Variants in PHACTR4 observed in about 807,000 individuals in gnomAD.
PHACTR4 encodes phosphatase and actin regulator 4.
A neutral mutation model predicts 72.7 loss-of-function variants in PHACTR4; 51 were observed. The ratio of observed to expected loss-of-function variants is 0.70; its 90% CI spans 0.56 to 0.89. The LOEUF (loss-of-function observed/expected upper bound fraction) is 0.89, where lower values mean the gene tolerates loss of function less well. Among genes scored for constraint, PHACTR4 ranks in the 40% least tolerant of loss-of-function variants. PHACTR4 has a pLI of 0.00. For synonymous variants in PHACTR4, 255 were observed against 302.5 expected (o/e 0.84, Z 1.63); for missense variants, 731 against 861.8 (o/e 0.85, Z 1.90).
intron 1 of PHACTR4, among the ~76,000 whole-genome samples, chr1:28,394,738 A>G (rs192239924): frequency 4.1e-4 from 62 of 151,636 alleles, no homozygotes; most frequent in African/African-American, 1.4e-3. Context: ...CTGGGATTAC[A>G]GGCATGTGCC....
At chr1:28,390,012 A>G (rs952586018) in intron 1 of PHACTR4, among the ~76,000 whole-genome samples, 1 of 152,224 alleles carries the variant, frequency 6.6e-6, no homozygotes, top group African/African-American at 2.4e-5. Flanking sequence ...TGGTATATAT[A>G]CACAACGAAA....
intron 10 of PHACTR4, chr1:28,489,628 C>T (rs924187020): frequency 8.3e-6 from 3 of 360,398 alleles, no homozygotes; most frequent in Non-Finnish European, 1.6e-5. Context: ...CCAAATGCAG[C>T]AGCTTTTCTC....
At chr1:28,382,382 C>G (rs749959118) in intron 1 of PHACTR4, among the ~76,000 whole-genome samples, 1 of 151,936 alleles carries the variant, frequency 6.6e-6, no homozygotes, top group African/African-American at 2.4e-5. Flanking sequence ...TGGCTCACTG[C>G]AAGCTCCGGC....
intron 13 of PHACTR4, among the ~76,000 whole-genome samples, chr1:28,495,757 C>G (rs1169109536): frequency 6.6e-6 from 1 of 151,850 alleles, no homozygotes; most frequent in Non-Finnish European, 1.5e-5. Context: ...GCTGTGACTA[C>G]AGGCACAGGC....
chr1:28,377,512 T>TC lies in PHACTR4; in HGVS notation c.-39+7688dup, dbSNP rs570393531. Reference sequence around the variant, plus strand: ...GCCTCAGCCTCCCAAAGTGCCAGGATCACAGGCATGAGCCACCACACCCAG... The same window carrying TC: ...GCCTCAGCCTCCCAAAGTGCCAGGATCCACAGGCATGAGCCACCACACCCAG... On this transcript the variant is annotated intron_variant, in intron 1 of 13. Transcript: ENST00000373839. Among the ~76,000 whole-genome samples, 874 of 151,922 alleles carry TC rather than the reference T, an allele frequency of 5.8e-3. 17 individuals are homozygous for TC. The highest frequency in any genetic ancestry group is 4.9e-3 in the Non-Finnish European group (336 of 67,944).
chr1:28,474,530 AAAAG>A (rs1557840051), intron 7 of PHACTR4, among the ~76,000 whole-genome samples: 1 of 151,446 alleles, frequency 6.6e-6, no homozygotes, highest in Non-Finnish European at 1.5e-5. Context: ...CTCACAGAAA[AAAAG>A]AAAATGTGAA....
intron 2 of PHACTR4, among the ~76,000 whole-genome samples, chr1:28,446,825 C>G (rs1208114148): frequency 2.6e-5 from 4 of 151,892 alleles, no homozygotes; most frequent in Non-Finnish European, 5.9e-5. Flanking sequence ...CTCTCTTGCT[C>G]CTGTTCTGGG....
In PHACTR4 at chr1:28,487,717, G is replaced by GTTTT. The variant is rs1320016675; in HGVS notation, c.1761-1450_1761-1447dup. The stretch of plus-strand genomic sequence containing the variant: ...CTGATTTCAAAAATGACAAATTGTA[G>GTTTT]TTTTTTGTTGTTTTTTTTTTTTTTT... On this transcript the variant is annotated intron_variant, in intron 9 of 13. Coordinates refer to ENST00000373839, the MANE Select transcript of PHACTR4 (RefSeq NM_001048183.3). 4.5e-3 allele frequency among the ~76,000 whole-genome samples: 459 copies of GTTTT among 102,422 alleles called. 22 individuals are homozygous for GTTTT. The highest frequency in any genetic ancestry group is 0.018 in the African/African-American group (436 of 24,626). 67.2% of individuals were successfully genotyped at this position (102,422 alleles called of 152,430 possible).
chr1:28,457,297 T>C, intron 2 of PHACTR4: 1 of 448,562 alleles, frequency 2.2e-6, no homozygotes, highest in East Asian at 7.1e-5. Context: ...AAATACCTAG[T>C]TTTAAAAGAG....
chr1:28,466,229 A>T (rs1231539881), intron 5 of PHACTR4, among the ~76,000 whole-genome samples, 153 bp from the exon 6 acceptor site: 7 of 152,192 alleles, frequency 4.6e-5, no homozygotes, highest in Admixed American at 3.9e-4. Flanking sequence ...TTTCTTAAGT[A>T]TGGGGAGGTT....
chr1:28,440,307 GAAAAA>G (rs1206889147), intron 2 of PHACTR4, among the ~76,000 whole-genome samples: 1 of 82,116 alleles, frequency 1.2e-5, no homozygotes, highest in Non-Finnish European at 2.2e-5. Context: ...GTCTCAAAAA[GAAAAA>G]AAAAAAAAAA....
intron 2 of PHACTR4, among the ~76,000 whole-genome samples, chr1:28,450,957 T>C (rs1268453616): frequency 1.4e-5 from 2 of 144,440 alleles, no homozygotes; most frequent in Non-Finnish European, 3.0e-5. Flanking sequence ...ACTACAGGCA[T>C]GTACCACCAC....
chr1:28,403,335 C>T (rs1047056616), intron 1 of PHACTR4, among the ~76,000 whole-genome samples: 13 of 152,164 alleles, frequency 8.5e-5, no homozygotes, highest in African/African-American at 1.9e-4. Context: ...TGTGCTGTAA[C>T]GGCTGGGCTT....
chr1:28,457,458 C>G (rs1374386438), intron 2 of PHACTR4: 1 of 308,140 alleles, frequency 3.2e-6, no homozygotes, highest in Non-Finnish European at 6.6e-6. Context: ...TTGTAATTAG[C>G]CAGGAGTGAT....
At chr1:28,446,760 C>T (rs1657502016) in intron 2 of PHACTR4, among the ~76,000 whole-genome samples, 1 of 151,950 alleles carries the variant, frequency 6.6e-6, no homozygotes, top group Non-Finnish European at 1.5e-5. Context: ...GCCTGGGCAA[C>T]AGAGTGAGGC....
At chr1:28,447,305 C>T (rs1657553441) in intron 2 of PHACTR4, among the ~76,000 whole-genome samples, 1 of 152,152 alleles carries the variant, frequency 6.6e-6, no homozygotes. Flanking sequence ...AGCCACTGTA[C>T]CTGGCCTCAG....
intron 3 of PHACTR4, 22 bp downstream of exon 3, chr1:28,459,280 G>T (rs1378709306): frequency 6.3e-7 from 1 of 1,596,882 alleles, no homozygotes; most frequent in African/African-American, 1.3e-5. Context: ...AGGGTTAAAT[G>T]TGTGTTCTGA....
intron 13 of PHACTR4, 35 bp downstream of exon 13, chr1:28,493,126 G>A (rs779566744): frequency 1.3e-6 from 2 of 1,577,818 alleles, no homozygotes; most frequent in Non-Finnish European, 1.7e-6. Flanking sequence ...ATATGTGCTA[G>A]GTAGAGTTTT....
At chr1:28,425,890 G>A (rs1446065024) in intron 2 of PHACTR4, among the ~76,000 whole-genome samples, 7 of 152,146 alleles carry the variant, frequency 4.6e-5, no homozygotes. Flanking sequence ...TTTCTGACTA[G>A]TTTCTACACA....
Sources: allele counts gnomAD v4.1 joint callset (sites outside exome capture counted in the v4.1 genomes callset), GRCh38; gene constraint gnomAD v4.1.1; transcripts MANE v1.5; gene names NCBI Gene and HGNC (gene_info 2026-07-23, HGNC 2026-07-21).